The following CDIPT variants were observed in gnomAD, a reference collection of about 807,000 sequenced individuals.
The protein encoded by CDIPT is PI synthase.
Under a neutral mutation model 21.6 loss-of-function variants are expected in CDIPT, and 17 were observed. The ratio of observed to expected loss-of-function variants is 0.79; its 90% CI spans 0.54 to 1.18. The LOEUF is 1.18. Ranked by LOEUF, CDIPT falls within the 50% of genes most tolerant of loss-of-function variation. The pLI is 0.00. For synonymous variants in CDIPT, 119 were observed against 117.9 expected (o/e 1.01, Z -0.06); for missense variants, 254 against 284.9 (o/e 0.89, Z 0.78).
In CDIPT at chr16:29,862,015, G is replaced by A. The variant is rs188079510; in HGVS notation, c.178+571C>T. ...CAAAGTGCTGGGATTACAGGCGTGAGCCACCGCCCCTGGCCTGAATGGACT... is the reference window on the plus strand; with the variant it reads ...CAAAGTGCTGGGATTACAGGCGTGAACCACCGCCCCTGGCCTGAATGGACT... On this transcript the variant is annotated intron_variant, in intron 2 of 5. Transcript: ENST00000219789. This position sits in a 1 kb window ranked among gnomAD's most constrained non-coding sequence, Gnocchi z 6.7. Among the ~76,000 whole-genome samples the A allele has an allele frequency of 5.7e-3, 861 of 152,292 alleles. 10 individuals carry two copies. The highest frequency in any genetic ancestry group is 0.019 in the African/African-American group (780 of 41,558).
At position 29,862,565 on chromosome 16, in the gene CDIPT, G is replaced by A; in HGVS notation, c.178+21C>T. On this transcript the variant is annotated intron_variant, in intron 2 of 5. Transcript: ENST00000219789. The surrounding 1 kb of genome is among the most constrained non-coding windows in gnomAD (Gnocchi z 6.7). Reference sequence around the variant, plus strand: ...AGGGGATTGTTGAACCCCAAGGCTGGCTGAGAGGGGTGTCTGTCACCTTGA... The same window carrying A: ...AGGGGATTGTTGAACCCCAAGGCTGACTGAGAGGGGTGTCTGTCACCTTGA... The A allele has an allele frequency of 6.4e-7, 1 of 1,555,856 alleles. No individual in the cohort carries two copies. The highest frequency in any genetic ancestry group is 1.2e-5 in the South Asian group (1 of 84,932).
Position 29,858,549 on chromosome 16 carries a change from C to G in CDIPT, c.*640G>C, listed in dbSNP as rs1296747756. ...ATCAAACAAGTGGGCGGTGGGGACA[C>G]CACATGAGCATGGGTGGCAGGAGGG... On this transcript the variant is annotated 3_prime_UTR_variant, in exon 6 of 6. Coordinates refer to ENST00000219789, the MANE Select transcript of CDIPT (RefSeq NM_006319.5). 1 of 153,534 alleles carries G rather than the reference C, an allele frequency of 6.5e-6. No individual in the cohort carries two copies. Among genetic ancestry groups the G allele is most frequent in the Non-Finnish European group, 1.5e-5 (1 of 68,956 alleles). The allele number at this position is 153,534 out of a possible 1,614,324, so 9.5% of individuals were successfully genotyped here.
At position 29,859,223 on chromosome 16, in the gene CDIPT, G is replaced by A; in HGVS notation, c.608C>T (p.Ala203Val). The change falls in exon 6 of 6, where the codon GCC (alanine) becomes GTC (valine). Residue 203 changes from alanine to valine, a missense_variant. Physicochemically the swap from Ala to Val is moderately conservative, Grantham distance 64 (BLOSUM62 0). Transcript: ENST00000219789. This position sits in a 1 kb window ranked among gnomAD's most constrained non-coding sequence, Gnocchi z 4.5. Reference protein sequence around the residue: ...HLITAARNMAALDAADRAKKK With the variant: ...HLITAARNMAVLDAADRAKKK ...CTTGGCGCGGTCTGCTGCGTCCAGG[G>A]CAGCCATGTTGCGGGCGGCCGTGAT... The A allele has an allele frequency of 6.3e-7, 1 of 1,597,778 alleles. No individual in the cohort carries two copies. Among genetic ancestry groups the A allele is most frequent in the Non-Finnish European group, 8.5e-7 (1 of 1,173,180 alleles).
At chr16:29,861,673 G>T in intron 2 of CDIPT, 1 of 618,730 alleles carries the variant, frequency 1.6e-6, no homozygotes, top group Admixed American at 2.9e-5. Context: ...AACCCCAACT[G>T]CTTATGCAGG....
chr16:29,860,779 T>C, intron 3 of CDIPT, 117 bp from the exon 4 acceptor site: 1 of 698,490 alleles, frequency 1.4e-6, no homozygotes, highest in South Asian at 1.6e-5. Context: ...ACCAGTATCC[T>C]GCCGAAAGCC....
Position 29,862,967 on chromosome 16 carries a change from C to G in CDIPT, c.-110G>C. On this transcript the variant is annotated 5_prime_UTR_variant, in exon 1 of 6. Transcript: ENST00000219789. The surrounding 1 kb of genome is among the most constrained non-coding windows in gnomAD (Gnocchi z 6.7). Reference sequence around the variant, plus strand: ...CGGCGCATCGGCCGCACCACCTGCGCCCTGGACCCCGCCGCCCCAACCTGG... The same window carrying G: ...CGGCGCATCGGCCGCACCACCTGCGGCCTGGACCCCGCCGCCCCAACCTGG... 1 of 1,260,984 alleles carries G rather than the reference C, an allele frequency of 7.9e-7. No homozygotes were observed. Among genetic ancestry groups the G allele is most frequent in the East Asian group, 2.4e-5 (1 of 42,348 alleles). The allele number at this position is 1,260,984 out of a possible 1,614,324, so 78.1% of individuals were successfully genotyped here.
chr16:29,862,836 G>A lies in CDIPT; in HGVS notation c.22C>T (p.Leu8=). 2 of 1,614,022 alleles carry A rather than the reference G, an allele frequency of 1.2e-6. No homozygotes were observed. Among genetic ancestry groups the A allele is most frequent in the Non-Finnish European group, 1.7e-6 (2 of 1,180,006 alleles). MPDENIF[L]FVPNLIGYAR... is the part of the protein sequence containing the mutation. ...TCACCGATGAGGTTGGGCACGAACA[G>A]GAAGATATTTTCGTCTGGCATCGCG... Residue 8 remains leucine, a synonymous_variant, in exon 1 of 6, where the codon CTG becomes TTG. Transcript: ENST00000219789. This position sits in a 1 kb window ranked among gnomAD's most constrained non-coding sequence, Gnocchi z 6.7.
chr16:29,861,407 T>C, intron 2 of CDIPT, 148 bp from the exon 3 acceptor site: 3 of 1,545,026 alleles, frequency 1.9e-6, no homozygotes, highest in Non-Finnish European at 2.6e-6. Flanking sequence ...AAACAGGCTG[T>C]GTGTGAGGTC....
chr16:29,858,960 C>T lies in CDIPT; in HGVS notation c.*229G>A, dbSNP rs776831372. 8 of 579,788 alleles carry T rather than the reference C, an allele frequency of 1.4e-5. No individual in the cohort carries two copies. The highest frequency in any genetic ancestry group is 2.4e-5 in the Non-Finnish European group (8 of 327,474). The allele number at this position is 579,788 out of a possible 1,614,324, so 35.9% of individuals were successfully genotyped here. ...CTGCCCGGTCCCGGCACCCCAGGAG[C>T]ACCGCCTGGATGGAGGGGGCCTCCC... On this transcript the variant is annotated 3_prime_UTR_variant, in exon 6 of 6. Transcript: ENST00000219789.
chr16:29,862,489 G>A lies in CDIPT; in HGVS notation c.178+97C>T, dbSNP rs1567403098. The A allele has an allele frequency of 7.9e-7, 1 of 1,271,708 alleles. No individual in the cohort carries two copies. The highest frequency in any genetic ancestry group is 1.1e-6 in the Non-Finnish European group (1 of 911,368). 78.8% of individuals were successfully genotyped at this position (1,271,708 alleles called of 1,614,324 possible). A position where few individuals can be genotyped will look rare whatever the true frequency, so the allele number is the denominator to read the frequency against. On this transcript the variant is annotated intron_variant, in intron 2 of 5. Coordinates refer to ENST00000219789, the MANE Select transcript of CDIPT (RefSeq NM_006319.5). The surrounding 1 kb of genome is among the most constrained non-coding windows in gnomAD (Gnocchi z 6.7). ...TCCTGTTCTGCTTTTTCCAGAGATG[G>A]GAATGACAGCCCTCTGACTCTGAGG...
chr16:29,860,414 C>T (rs2067670236), intron 4 of CDIPT, among the ~76,000 whole-genome samples, 167 bp downstream of exon 4: 1 of 152,206 alleles, frequency 6.6e-6, no homozygotes, highest in Admixed American at 6.5e-5. Flanking sequence ...CACAGGCCTT[C>T]CCCACCAATC....
rs1442851195 is a variant in CDIPT, at chr16:29,860,593, G to A, written c.402C>T (p.Tyr134=). ...AGGAAATGCTTACCCTCGAGGTGTAGTAGATCCGAAGCACCGGATTCCCGG... is the reference window on the plus strand; with the variant it reads ...AGGAAATGCTTACCCTCGAGGTGTAATAGATCCGAAGCACCGGATTCCCGG... ...DLSGNPVLRI[Y]YTSRPALFTL... Residue 134 remains tyrosine, a synonymous_variant, in exon 4 of 6, where the codon TAC becomes TAT. Transcript: ENST00000219789. 6.2e-7 allele frequency: 1 copy of A among 1,608,988 alleles called. No homozygotes were observed. The highest frequency in any genetic ancestry group is 1.7e-5 in the Admixed American group (1 of 59,950).
In CDIPT at chr16:29,862,764, G is replaced by T; in HGVS notation, c.44-44C>A. On this transcript the variant is annotated intron_variant, in intron 1 of 5. Coordinates refer to ENST00000219789, the MANE Select transcript of CDIPT (RefSeq NM_006319.5). The surrounding 1 kb of genome is among the most constrained non-coding windows in gnomAD (Gnocchi z 6.7). ...GAGACAGGGCAGGATCAGGGAGCCC[G>T]CCAAGGCCCCTCGCCCTCTCGTTCG... 2 of 1,613,566 alleles carry T rather than the reference G, an allele frequency of 1.2e-6. No homozygotes were observed. The highest frequency in any genetic ancestry group is 2.2e-5 in the East Asian group (1 of 44,870).
rs767426094 is a variant in CDIPT, at chr16:29,859,920, G to A, written c.415-397C>T. Reference sequence around the variant, plus strand: ...CTCAGGAGGCTGAGGCACAAGAATCGCTTGAACCCAGCAGGCAGAGGTTGC... The same window carrying A: ...CTCAGGAGGCTGAGGCACAAGAATCACTTGAACCCAGCAGGCAGAGGTTGC... On this transcript the variant is annotated intron_variant, in intron 4 of 5. Transcript: ENST00000219789. This position sits in a 1 kb window ranked among gnomAD's most constrained non-coding sequence, Gnocchi z 4.5. Among the ~76,000 whole-genome samples the A allele has an allele frequency of 6.6e-6, 1 of 152,042 alleles. No homozygotes were observed. Among genetic ancestry groups the A allele is most frequent in the South Asian group, 2.1e-4 (1 of 4,836 alleles).
rs572137080 is a variant in CDIPT at position 29,862,204 on chromosome 16, C to T, written c.178+382G>A. ...CTTTGGGAGCAAGGCAGGAGGATCGCTTGAGGCTAGGAGCTGGGGACCAAT... is the reference window on the plus strand; with the variant it reads ...CTTTGGGAGCAAGGCAGGAGGATCGTTTGAGGCTAGGAGCTGGGGACCAAT... On this transcript the variant is annotated intron_variant, in intron 2 of 5. Coordinates refer to ENST00000219789, the MANE Select transcript of CDIPT (RefSeq NM_006319.5). This position sits in a 1 kb window ranked among gnomAD's most constrained non-coding sequence, Gnocchi z 6.7. Among the ~76,000 whole-genome samples, 1 of 152,288 alleles carries T rather than the reference C, an allele frequency of 6.6e-6. No individual in the cohort carries two copies. Among genetic ancestry groups the T allele is most frequent in the African/African-American group, 2.4e-5 (1 of 41,566 alleles).
chr16:29,860,584 C>T lies in CDIPT; in HGVS notation c.411G>A (p.Ser137=), dbSNP rs776091165. 10 of 1,603,364 alleles carry T rather than the reference C, an allele frequency of 6.2e-6. No individual in the cohort carries two copies. Among genetic ancestry groups the T allele is most frequent in the Admixed American group, 1.7e-5 (1 of 59,894 alleles). ...GNPVLRIYYT[S]RPALFTLCAG... is the part of the protein sequence containing the mutation. ...GGGGTGTGCAGGAAATGCTTACCCT[C>T]GAGGTGTAGTAGATCCGAAGCACCG... Residue 137 remains serine (S), a synonymous_variant, in exon 4 of 6, where the codon TCG becomes TCA. Coordinates refer to ENST00000219789, the MANE Select transcript of CDIPT (RefSeq NM_006319.5).
intron 2 of CDIPT, chr16:29,861,616 A>G: frequency 1.1e-6 from 1 of 913,252 alleles, no homozygotes; most frequent in Middle Eastern, 2.8e-4. Flanking sequence ...ACCCTCCAGA[A>G]GCCATCACCC....
At chr16:29,861,895 G>A (rs529409893) in intron 2 of CDIPT, among the ~76,000 whole-genome samples, 10 of 152,064 alleles carry the variant, frequency 6.6e-5, no homozygotes, top group Admixed American at 5.2e-4. Context: ...CACCAAGCCC[G>A]CTAATTTTTG....
chr16:29,860,857 T>A, intron 3 of CDIPT, 195 bp from the exon 4 acceptor site: 1 of 621,648 alleles, frequency 1.6e-6, no homozygotes, highest in Non-Finnish European at 2.9e-6. Flanking sequence ...TGCCCCTTCC[T>A]ATAAGCTGTC....
Sources: gnomAD v4.1 joint callset for allele counts (sites outside exome capture counted in the v4.1 genomes callset) on GRCh38, gnomAD v4.1.1 for gene constraint, Gnocchi (gnomAD v3.1) non-coding constraint, MANE v1.5 for transcripts, NCBI Gene and HGNC (gene_info 2026-07-23, HGNC 2026-07-21) for gene names.